The following SCHIP1 variants were observed in gnomAD, a reference collection of about 807,000 sequenced individuals.
The protein encoded by SCHIP1 is schwannomin-interacting protein 1.
A neutral mutation model predicts 29.7 loss-of-function variants in SCHIP1; 8 were observed. That is an observed-to-expected ratio of 0.27 (90% CI 0.16 to 0.49). The LOEUF (loss-of-function observed/expected upper bound fraction) is 0.49, where lower values mean the gene tolerates loss of function less well. Ranked by LOEUF, SCHIP1 falls within the 20% of genes least tolerant of loss-of-function variation. The pLI is 0.99. For missense variants in SCHIP1, 193 were observed against 294.6 expected, an observed-to-expected ratio of 0.66 and a Z score of 2.52; for synonymous variants, 76 against 94.9, an observed-to-expected ratio of 0.80 and a Z score of 1.16.
At chr3:159,589,697 G>A in the SCHIP1 span, among the ~76,000 whole-genome samples, 1 of 152,162 alleles carries the variant, frequency 6.6e-6, no homozygotes, top group Non-Finnish European at 1.5e-5. Context: ...GGCTTTGGCA[G>A]AAATTTCATG....
chr3:159,485,207 C>A, the SCHIP1 span, among the ~76,000 whole-genome samples: 1 of 152,234 alleles, frequency 6.6e-6, no homozygotes, highest in East Asian at 1.9e-4. Flanking sequence ...GTCTAAGAGG[C>A]AAGGAGAGGA....
intron 3 of SCHIP1, chr3:159,886,752 T>C (rs926466484): frequency 6.0e-6 from 1 of 165,750 alleles, no homozygotes; most frequent in African/African-American, 2.4e-5. Flanking sequence ...TGAGACCCTG[T>C]CTCTAACGAG....
At chr3:159,679,605 T>C in the SCHIP1 span, among the ~76,000 whole-genome samples, 320 of 152,296 alleles carry the variant, frequency 2.1e-3, 4 homozygotes, top group African/African-American at 7.5e-3. Context: ...CTAAATTACA[T>C]AGGGAAGAGT....
At chr3:159,465,386 A>G in the SCHIP1 span, among the ~76,000 whole-genome samples, 2 of 151,640 alleles carry the variant, frequency 1.3e-5, no homozygotes, top group African/African-American at 4.9e-5. Flanking sequence ...AAAGAGAGAG[A>G]AAGAGAGACC....
the SCHIP1 span, among the ~76,000 whole-genome samples, chr3:159,711,563 G>T: frequency 1.3e-5 from 2 of 151,950 alleles, no homozygotes; most frequent in African/African-American, 4.8e-5. Context: ...TTGACAAATG[G>T]TCTCCATTTG....
chr3:159,619,517 C>G, the SCHIP1 span, among the ~76,000 whole-genome samples: 1 of 152,196 alleles, frequency 6.6e-6, no homozygotes, highest in African/African-American at 2.4e-5. Context: ...CTACTGCCAG[C>G]CAGAATCCTT....
chr3:159,675,816 G>C, the SCHIP1 span, among the ~76,000 whole-genome samples: 396 of 152,314 alleles, frequency 2.6e-3, no homozygotes, highest in Non-Finnish European at 5.0e-3. Context: ...AGTCATGTTT[G>C]GGCTCAGAAG....
At chr3:159,614,735 T>C in the SCHIP1 span, among the ~76,000 whole-genome samples, 1 of 152,226 alleles carries the variant, frequency 6.6e-6, no homozygotes, top group South Asian at 2.1e-4. Context: ...AAATTTAAAA[T>C]AACTTTGATT....
chr3:159,691,078 G>A, the SCHIP1 span, among the ~76,000 whole-genome samples: 2 of 152,186 alleles, frequency 1.3e-5, no homozygotes, highest in African/African-American at 4.8e-5. Flanking sequence ...GTTGATTTGG[G>A]GTGGAGAGTT....
the SCHIP1 span, among the ~76,000 whole-genome samples, chr3:159,792,462 GCTT>G: frequency 6.6e-6 from 1 of 152,200 alleles, no homozygotes; most frequent in African/African-American, 2.4e-5. Flanking sequence ...CATAATAAAG[GCTT>G]CATAAATGGT....
At chr3:159,435,560 G>A in the SCHIP1 span, among the ~76,000 whole-genome samples, 1 of 152,166 alleles carries the variant, frequency 6.6e-6, no homozygotes, top group Non-Finnish European at 1.5e-5. Context: ...ATGATTGAAT[G>A]TGAACCAGTA....
chr3:159,451,478 A>G, the SCHIP1 span, among the ~76,000 whole-genome samples: 1 of 152,268 alleles, frequency 6.6e-6, no homozygotes, highest in East Asian at 1.9e-4. Flanking sequence ...AGGTTTAACT[A>G]AACAGTCAAT....
At chr3:159,344,261 C>A in the SCHIP1 span, among the ~76,000 whole-genome samples, 2 of 147,346 alleles carry the variant, frequency 1.4e-5, no homozygotes, top group South Asian at 2.1e-4. Flanking sequence ...GCGGAGGTTG[C>A]GGTGAGCCGA....
chr3:159,365,408 C>A, the SCHIP1 span, among the ~76,000 whole-genome samples: 1 of 152,002 alleles, frequency 6.6e-6, no homozygotes. Flanking sequence ...CGCTAAGTGT[C>A]TAAAATAGAA....
chr3:159,309,516 G>A, the SCHIP1 span, among the ~76,000 whole-genome samples: 49 of 152,090 alleles, frequency 3.2e-4, no homozygotes, highest in African/African-American at 1.1e-3. Flanking sequence ...ATGCTATATG[G>A]GTATGCAGAA....
At chr3:159,339,128 A>C in the SCHIP1 span, among the ~76,000 whole-genome samples, 1 of 152,068 alleles carries the variant, frequency 6.6e-6, no homozygotes, top group Non-Finnish European at 1.5e-5. Context: ...CCAGGTTTTC[A>C]TCTGTTTTGT....
At chr3:159,550,889 C>G in the SCHIP1 span, among the ~76,000 whole-genome samples, 1 of 152,114 alleles carries the variant, frequency 6.6e-6, no homozygotes, top group Non-Finnish European at 1.5e-5. Flanking sequence ...GTCAGCCTCA[C>G]TATGTAATAT....
chr3:159,563,475 A>C, the SCHIP1 span, among the ~76,000 whole-genome samples: 1 of 152,112 alleles, frequency 6.6e-6, no homozygotes, highest in Admixed American at 6.5e-5. Flanking sequence ...ATGTTTTATA[A>C]ATTTATGTAT....
chr3:159,811,088 A>C, the SCHIP1 span, among the ~76,000 whole-genome samples: 257 of 152,340 alleles, frequency 1.7e-3, 4 homozygotes, highest in East Asian at 0.041. Flanking sequence ...AATGCTTATT[A>C]GCCATTCATA....
Sources: gnomAD v4.1 joint callset for allele counts (sites outside exome capture counted in the v4.1 genomes callset) on GRCh38, gnomAD v4.1.1 for gene constraint, MANE v1.5 for transcripts, NCBI Gene and HGNC (gene_info 2026-07-23, HGNC 2026-07-21) for gene names.